TBXAS1: variants seen among roughly 807,000 people sequenced by gnomAD.
TBXAS1 encodes the protein thromboxane A synthase 1, also known as thromboxane-A synthase.
A neutral mutation model predicts 60.7 loss-of-function variants in TBXAS1; 48 were observed. The ratio of observed to expected loss-of-function variants is 0.79; its 90% CI spans 0.63 to 1.01. The LOEUF is 1.01. TBXAS1 is among the 50% of genes least tolerant of loss of function. The pLI is 0.00. For synonymous variants in TBXAS1, 287 were observed against 269.7 expected, an observed-to-expected ratio of 1.06 and a Z score of -0.63; for missense variants, 685 against 686.3, an observed-to-expected ratio of 1.00 and a Z score of 0.02.
rs182482770 is a variant in TBXAS1, at chr7:139,995,691, C to A, written c.1135-11400C>A. On this transcript the variant is annotated intron_variant, in intron 9 of 12. Transcript: ENST00000448866. ...GTTGTAGTCCTTTGAAAATCCTGCC[C>A]CACGTGGAGTCAGAATCTTTCTTTC... Among the ~76,000 whole-genome samples, 6 of 152,320 alleles carry A rather than the reference C, an allele frequency of 3.9e-5. No individual in the cohort carries two copies. The South Asian group carries it at 1.0e-3, about 26-fold the overall frequency.
chr7:139,878,150 TGACA>T (rs1171020681), intron 3 of TBXAS1, among the ~76,000 whole-genome samples: 1 of 125,198 alleles, frequency 8.0e-6, no homozygotes, highest in Non-Finnish European at 1.7e-5. Context: ...AGAGAGAGAA[TGACA>T]GAGAAAAAGA....
At chr7:139,785,340 C>T (rs1348105973) in intron 3 of TBXAS1, among the ~76,000 whole-genome samples, 1 of 152,048 alleles carries the variant, frequency 6.6e-6, no homozygotes, top group African/African-American at 2.4e-5. Context: ...CCCACATTTC[C>T]ACCTGCTTTC....
intron 2 of TBXAS1, 148 bp from the exon 3 acceptor site, chr7:139,875,437 T>C: frequency 2.7e-6 from 2 of 732,050 alleles, no homozygotes; most frequent in Non-Finnish European, 2.3e-6. Context: ...TTCCAATGTT[T>C]CAAAGTACCT....
chr7:139,865,434 T>G (rs1382686689), intron 1 of TBXAS1, among the ~76,000 whole-genome samples: 1 of 152,110 alleles, frequency 6.6e-6, no homozygotes, highest in Non-Finnish European at 1.5e-5. Context: ...TATCTTCCTC[T>G]TCACACCCAG....
At chr7:140,018,817 C>A (rs573300206) in intron 12 of TBXAS1, among the ~76,000 whole-genome samples, 3 of 152,328 alleles carry the variant, frequency 2.0e-5, no homozygotes, top group African/African-American at 7.2e-5. Flanking sequence ...ATGCCAGGCG[C>A]ATGACAGGTG....
chr7:139,856,974 T>C (rs778690682), intron 1 of TBXAS1, among the ~76,000 whole-genome samples: 2 of 152,090 alleles, frequency 1.3e-5, no homozygotes, highest in East Asian at 1.9e-4. Context: ...GAAAGCATAA[T>C]CATGGCTAGT....
intron 9 of TBXAS1, among the ~76,000 whole-genome samples, chr7:139,984,663 G>A (rs1021274819): frequency 2.0e-4 from 14 of 69,098 alleles, no homozygotes; most frequent in Non-Finnish European, 4.2e-4. Context: ...AGGGAAGGGG[G>A]AAAGAAAGAA....
chr7:139,914,979 C>A (rs2117069130), intron 4 of TBXAS1, among the ~76,000 whole-genome samples: 1 of 152,206 alleles, frequency 6.6e-6, no homozygotes, highest in South Asian at 2.1e-4. Flanking sequence ...ATTACTTGAA[C>A]CTGGAGTTGC....
chr7:139,829,512 C>A lies in TBXAS1; in HGVS notation c.89+33C>A, dbSNP rs554747912. The A allele has an allele frequency of 3.4e-5, 54 of 1,595,420 alleles. 2 individuals are homozygous for A. The South Asian group carries it at 5.3e-4, about 16-fold the overall frequency. On this transcript the variant is annotated intron_variant, in intron 1 of 12. Transcript: ENST00000448866. ...CAGCCAGCCCTAGGGACTGTGACAGCGTCAGCCGTCTCACCCTGGAGCCTT... is the reference window on the plus strand; with the variant it reads ...CAGCCAGCCCTAGGGACTGTGACAGAGTCAGCCGTCTCACCCTGGAGCCTT...
At chr7:139,868,764 C>A (rs1273828078) in intron 1 of TBXAS1, among the ~76,000 whole-genome samples, 1 of 149,374 alleles carries the variant, frequency 6.7e-6, no homozygotes, top group African/African-American at 2.5e-5. Flanking sequence ...TCAAGCGATT[C>A]TCGTGCCTTA....
intron 1 of TBXAS1, among the ~76,000 whole-genome samples, chr7:139,836,713 T>C (rs1277824945): frequency 6.6e-6 from 1 of 152,180 alleles, no homozygotes; most frequent in Non-Finnish European, 1.5e-5. Context: ...ATACAAATTC[T>C]AGGTATAACA....
At chr7:139,921,967 C>G (rs1806509484) in intron 4 of TBXAS1, among the ~76,000 whole-genome samples, 2 of 152,158 alleles carry the variant, frequency 1.3e-5, no homozygotes, top group South Asian at 4.1e-4. Flanking sequence ...GTTGTTCCAG[C>G]CTTAGCCAGC....
chr7:139,879,904 C>CAGAGTCTT (rs150818237), intron 3 of TBXAS1, among the ~76,000 whole-genome samples: 1,667 of 148,550 alleles, frequency 0.011, 29 homozygotes, highest in African/African-American at 0.04. Flanking sequence ...CCTTTTGAGG[C>CAGAGTCTT]AGAGTCTTGC....
chr7:139,878,453 G>GA (rs1192876711), intron 3 of TBXAS1, among the ~76,000 whole-genome samples: 4 of 151,732 alleles, frequency 2.6e-5, no homozygotes, highest in Non-Finnish European at 5.9e-5. Context: ...TAGTGAAAAG[G>GA]AAAAAAGAAA....
chr7:139,881,455 T>TCCC (rs1569506922), intron 3 of TBXAS1, among the ~76,000 whole-genome samples: 237 of 149,704 alleles, frequency 1.6e-3, no homozygotes, highest in African/African-American at 5.1e-3. Context: ...ACACCCTTTT[T>TCCC]CCCCCCCTCC....
At chr7:139,990,512 C>T (rs113099711) in intron 9 of TBXAS1, among the ~76,000 whole-genome samples, 2,364 of 152,246 alleles carry the variant, frequency 0.016, 69 homozygotes, top group African/African-American at 0.055. Flanking sequence ...TCTGGGGGCA[C>T]GGGAACCCTC....
chr7:139,824,280 G>A (rs778832760), upstream of TBXAS1, among the ~76,000 whole-genome samples: 8 of 152,326 alleles, frequency 5.3e-5, no homozygotes, highest in Non-Finnish European at 7.3e-5. Context: ...ACAAAGTGGG[G>A]CAAGTGGGCA....
intron 9 of TBXAS1, among the ~76,000 whole-genome samples, chr7:140,001,621 C>T (rs928970461): frequency 6.6e-6 from 1 of 152,154 alleles, no homozygotes; most frequent in African/African-American, 2.4e-5. Context: ...GAACTCCTGG[C>T]CTCAAGTGAC....
In TBXAS1 at chr7:140,004,780, T is replaced by A. The variant is rs944135844; in HGVS notation, c.1135-2311T>A. ...GCCACAGCAGACTAACCTCCAAGGA[T>A]CTCTAAACCTCTGTGCTATGACACC... is the stretch of plus-strand genomic sequence containing the variant. On this transcript the variant is annotated intron_variant, in intron 9 of 12. Transcript: ENST00000448866. This position sits in a 1 kb window ranked among gnomAD's most constrained non-coding sequence, Gnocchi z 5.1. Among the ~76,000 whole-genome samples, 3 of 152,078 alleles carry A rather than the reference T, an allele frequency of 2.0e-5. No individual in the cohort carries two copies. Among genetic ancestry groups the A allele is most frequent in the Non-Finnish European group, 2.9e-5 (2 of 68,016 alleles).
Sources: gnomAD v4.1 joint callset for allele counts (sites outside exome capture counted in the v4.1 genomes callset) on GRCh38, gnomAD v4.1.1 for gene constraint, Gnocchi (gnomAD v3.1) non-coding constraint, MANE v1.5 for transcripts, NCBI Gene and HGNC (gene_info 2026-07-23, HGNC 2026-07-21) for gene names.